SNX30: variants seen among roughly 807,000 people sequenced by gnomAD.
The protein encoded by SNX30 is sorting nexin-30.
Under a neutral mutation model 46.4 loss-of-function variants are expected in SNX30, and 24 were observed. The ratio of observed to expected loss-of-function variants is 0.52; its 90% confidence interval spans 0.37 to 0.73. The LOEUF is 0.73. Among genes scored for constraint, SNX30 ranks in the 30% least tolerant of loss-of-function variants. The pLI, the probability that SNX30 is intolerant of heterozygous loss-of-function variation, is 0.00. For missense variants in SNX30, 533 were observed against 555.7 expected, an observed-to-expected ratio of 0.96 and a Z score of 0.41; for synonymous variants, 189 against 211.5, an observed-to-expected ratio of 0.89 and a Z score of 0.92.
intron 3 of SNX30, among the ~76,000 whole-genome samples, chr9:112,819,146 C>T (rs773152939): frequency 4.6e-5 from 7 of 151,972 alleles, no homozygotes; most frequent in Non-Finnish European, 5.9e-5. Context: ...GCCTCACATC[C>T]GGTATTAACA....
chr9:112,758,063 T>G (rs1839378832), intron 1 of SNX30, among the ~76,000 whole-genome samples: 1 of 152,142 alleles, frequency 6.6e-6, no homozygotes, highest in Non-Finnish European at 1.5e-5. Flanking sequence ...GCTGATTGCC[T>G]CACCTTCCAC....
intron 1 of SNX30, among the ~76,000 whole-genome samples, chr9:112,756,927 A>C (rs1473643208): frequency 6.6e-6 from 1 of 152,222 alleles, no homozygotes; most frequent in African/African-American, 2.4e-5. Context: ...AGATAGTAAA[A>C]GTTTACTATA....
chr9:112,852,387 A>G (rs1006489285), intron 7 of SNX30, among the ~76,000 whole-genome samples: 1 of 152,210 alleles, frequency 6.6e-6, no homozygotes, highest in Non-Finnish European at 1.5e-5. Context: ...TTTAAAGTAT[A>G]CAGGAGGCTG....
intron 3 of SNX30, among the ~76,000 whole-genome samples, chr9:112,821,699 G>T (rs1464242332): frequency 6.6e-6 from 1 of 151,964 alleles, no homozygotes; most frequent in Non-Finnish European, 1.5e-5. Context: ...TGTTAGCCAG[G>T]ATGGTCTCCA....
At chr9:112,785,648 T>C (rs1468726768) in intron 1 of SNX30, among the ~76,000 whole-genome samples, 1 of 151,986 alleles carries the variant, frequency 6.6e-6, no homozygotes, top group African/African-American at 2.4e-5. Flanking sequence ...CTTTCCAAAG[T>C]GCTGGGATTA....
chr9:112,842,735 A>AGGCTGAAAGAC (rs1840879072), intron 6 of SNX30, among the ~76,000 whole-genome samples: 1 of 152,228 alleles, frequency 6.6e-6, no homozygotes, highest in Non-Finnish European at 1.5e-5. Flanking sequence ...CTTTCAGGAC[A>AGGCTGAAAGAC]ATTGTGGCTA....
intron 3 of SNX30, among the ~76,000 whole-genome samples, chr9:112,821,851 G>GT (rs1840503789): frequency 6.6e-6 from 1 of 151,940 alleles, no homozygotes; most frequent in African/African-American, 2.4e-5. Context: ...GAGTGCAGTG[G>GT]TATGATCACA....
intron 5 of SNX30, among the ~76,000 whole-genome samples, chr9:112,881,159 G>A (rs1278804573): frequency 1.3e-5 from 2 of 152,190 alleles, no homozygotes; most frequent in South Asian, 2.1e-4. Context: ...TCCTGGATCA[G>A]TGTGACTTAG....
intron 4 of SNX30, among the ~76,000 whole-genome samples, chr9:112,834,576 G>A (rs141522371): frequency 6.6e-6 from 1 of 152,282 alleles, no homozygotes; most frequent in East Asian, 1.9e-4. Context: ...CAGCTCTCCA[G>A]AAGTTCTCTA....
rs79212547 is a variant in SNX30, at chr9:112,870,649, G to A, written c.*1806G>A. 10 of 152,218 alleles carry A rather than the reference G, an allele frequency of 6.6e-5. No homozygotes were observed. The highest frequency in any genetic ancestry group is 5.9e-4 in the Admixed American group (9 of 15,286). The allele number at this position is 152,218 out of a possible 1,614,324, so 9.4% of individuals were successfully genotyped here. A position where few individuals can be genotyped will look rare whatever the true frequency, so the allele number is the denominator to read the frequency against. On this transcript the variant is annotated 3_prime_UTR_variant, in exon 9 of 9. Coordinates refer to ENST00000374232, the MANE Select transcript of SNX30 (RefSeq NM_001012994.2). ...GTAAGAACAACCCATGTACCCCCGA[G>A]TGATTGCATGCTTTATTCTACCTCT...
At chr9:112,833,402 A>T (rs1006575801) in intron 4 of SNX30, among the ~76,000 whole-genome samples, 2 of 152,226 alleles carry the variant, frequency 1.3e-5, no homozygotes, top group Non-Finnish European at 2.9e-5. Flanking sequence ...TCATGCCTGT[A>T]ACACCCAGCG....
At position 112,812,558 on chromosome 9, in the gene SNX30, G is replaced by A. The variant is rs567456806; in HGVS notation, c.349-5147G>A. The stretch of plus-strand genomic sequence containing the variant: ...TGTGAGCCACCGTAGTGGACCTTGA[G>A]CATCCCTTTCATGATAACTTCTTAC... On this transcript the variant is annotated intron_variant, in intron 2 of 8. Transcript: ENST00000374232. Among the ~76,000 whole-genome samples the A allele has an allele frequency of 1.2e-3, 189 of 152,236 alleles. 1 individual carries two copies. Among genetic ancestry groups the A allele is most frequent in the African/African-American group, 4.3e-3 (177 of 41,554 alleles).
chr9:112,829,383 C>T (rs1018820387), intron 3 of SNX30, among the ~76,000 whole-genome samples: 1 of 152,184 alleles, frequency 6.6e-6, no homozygotes, highest in African/African-American at 2.4e-5. Flanking sequence ...GCTATCCTCC[C>T]ACCTCAGCCT....
At chr9:112,859,916 T>G (rs1290520643) in intron 7 of SNX30, among the ~76,000 whole-genome samples, 1 of 152,042 alleles carries the variant, frequency 6.6e-6, no homozygotes, top group Non-Finnish European at 1.5e-5. Flanking sequence ...ATGTTGAGCA[T>G]CTTTTCATGT....
At chr9:112,849,518 A>C (rs1840991846) in intron 6 of SNX30, among the ~76,000 whole-genome samples, 1 of 152,220 alleles carries the variant, frequency 6.6e-6, no homozygotes, top group South Asian at 2.1e-4. Flanking sequence ...CTCAAAGATG[A>C]ATGAGTGTGG....
intron 5 of SNX30, 137 bp downstream of exon 5, chr9:112,836,546 CAAG>C: frequency 1.1e-6 from 1 of 928,906 alleles, no homozygotes; most frequent in Non-Finnish European, 1.6e-6. Context: ...CAAAGAAATA[CAAG>C]GAGGGGAGGA....
chr9:112,854,536 C>G (rs1310673955), intron 7 of SNX30, among the ~76,000 whole-genome samples: 1 of 152,246 alleles, frequency 6.6e-6, no homozygotes, highest in Non-Finnish European at 1.5e-5. Flanking sequence ...CACCTTCCCT[C>G]TTCCTGGTGG....
At chr9:112,761,128 A>G (rs1357990890) in intron 1 of SNX30, among the ~76,000 whole-genome samples, 1 of 152,002 alleles carries the variant, frequency 6.6e-6, no homozygotes. Flanking sequence ...TTATTCTTTC[A>G]GCAGTAGCTA....
intron 1 of SNX30, among the ~76,000 whole-genome samples, chr9:112,778,107 A>C (rs1004093251): frequency 6.6e-6 from 1 of 151,966 alleles, no homozygotes; most frequent in East Asian, 1.9e-4. Flanking sequence ...TGGAGTGCCT[A>C]TGTGTGACAT....
Sources: allele counts gnomAD v4.1 joint callset (sites outside exome capture counted in the v4.1 genomes callset), GRCh38; gene constraint gnomAD v4.1.1; transcripts MANE v1.5; gene names NCBI Gene and HGNC (gene_info 2026-07-23, HGNC 2026-07-21).